Variants in COLEC11 observed in about 807,000 individuals in gnomAD.
The protein encoded by COLEC11 is collectin-11.
In COLEC11, 20 loss-of-function variants were observed where a neutral mutation model predicts 27.3. That is an observed-to-expected ratio of 0.73 (90% CI 0.51 to 1.06). The LOEUF (loss-of-function observed/expected upper bound fraction) is 1.06. Ranked by LOEUF, COLEC11 falls within the 50% of genes least tolerant of loss-of-function variation. The pLI, the probability that COLEC11 is intolerant of heterozygous loss-of-function variation, is 0.00. For synonymous variants in COLEC11, 163 were observed against 154.7 expected (o/e 1.05, Z -0.40); for missense variants, 310 against 383.0 (o/e 0.81, Z 1.59).
At chr2:3,634,841 C>T (rs950775285) in intron 3 of COLEC11, among the ~76,000 whole-genome samples, 2 of 151,986 alleles carry the variant, frequency 1.3e-5, no homozygotes, top group Admixed American at 1.3e-4. Context: ...CCCTGCCCCT[C>T]CCTCTGTGAG....
intron 3 of COLEC11, among the ~76,000 whole-genome samples, chr2:3,615,796 C>T (rs1376203571): frequency 6.9e-6 from 1 of 144,104 alleles, no homozygotes; most frequent in Admixed American, 6.9e-5. Flanking sequence ...GGGCGGCTGG[C>T]CAGGCAGGGG....
In COLEC11 at chr2:3,626,636, A is replaced by G. The variant is rs115957571; in HGVS notation, c.203-10897A>G. On this transcript the variant is annotated intron_variant, in intron 3 of 6. Coordinates refer to ENST00000349077, the MANE Select transcript of COLEC11 (RefSeq NM_024027.5). ...ATGAGCATGACTTCCGGCCTCTGCA[A>G]TAACCAACTGACATTCTTTCTGATA... is the stretch of plus-strand genomic sequence containing the variant. Among the ~76,000 whole-genome samples, 741 of 152,368 alleles carry G rather than the reference A, an allele frequency of 4.9e-3. 6 individuals are homozygous for G. Among genetic ancestry groups the G allele is most frequent in the African/African-American group, 0.017 (702 of 41,578 alleles).
At chr2:3,597,784 C>G (rs1661956726) in intron 1 of COLEC11, among the ~76,000 whole-genome samples, 1 of 152,076 alleles carries the variant, frequency 6.6e-6, no homozygotes, top group South Asian at 2.1e-4. Flanking sequence ...CTTTCAGAAG[C>G]CACATACCAC....
rs553656948 is a variant in COLEC11 at position 3,630,392 on chromosome 2, A to T, written c.203-7141A>T. Among the ~76,000 whole-genome samples, 323 of 152,352 alleles carry T rather than the reference A, an allele frequency of 2.1e-3. 1 individual carries two copies. Among genetic ancestry groups the T allele is most frequent in the African/African-American group, 7.4e-3 (307 of 41,582 alleles). Reference sequence around the variant, plus strand: ...AACTTTATTTCTCAATATAAGCACCATGAAGTTCAAGACACTTTTGTAAGT... The same window carrying T: ...AACTTTATTTCTCAATATAAGCACCTTGAAGTTCAAGACACTTTTGTAAGT... On this transcript the variant is annotated intron_variant, in intron 3 of 6. Transcript: ENST00000349077.
intron 1 of COLEC11, among the ~76,000 whole-genome samples, chr2:3,603,022 G>A (rs538789984): frequency 5.3e-5 from 8 of 152,296 alleles, no homozygotes; most frequent in South Asian, 4.1e-4. Context: ...ACATTTGGTC[G>A]GCATCCACAA....
At chr2:3,603,693 C>G in intron 1 of COLEC11, 2 of 1,550,198 alleles carry the variant, frequency 1.3e-6, no homozygotes, top group Non-Finnish European at 1.7e-6. Context: ...CTGGGATGGT[C>G]AGATGTCCAT....
chr2:3,607,449 CTTTT>C (rs377560723), intron 2 of COLEC11, among the ~76,000 whole-genome samples: 2 of 109,170 alleles, frequency 1.8e-5, no homozygotes, highest in Admixed American at 1.2e-4. Flanking sequence ...TTTTTTTTTG[CTTTT>C]TTTTTTTTTT....
chr2:3,597,732 G>A (rs1205041925), intron 1 of COLEC11, among the ~76,000 whole-genome samples: 1 of 151,506 alleles, frequency 6.6e-6, no homozygotes, highest in South Asian at 2.1e-4. Flanking sequence ...AGTGAGGTTC[G>A]ACTTGCGTAC....
At chr2:3,601,533 A>G (rs1439073349) in intron 1 of COLEC11, among the ~76,000 whole-genome samples, 2 of 152,114 alleles carry the variant, frequency 1.3e-5, no homozygotes, top group East Asian at 1.9e-4. Flanking sequence ...GACTCAAGCA[A>G]TCTGCTGGCC....
intron 3 of COLEC11, among the ~76,000 whole-genome samples, chr2:3,618,686 AT>A (rs959892598): frequency 1.3e-5 from 2 of 152,300 alleles, no homozygotes; most frequent in African/African-American, 4.8e-5. Flanking sequence ...TTTTACATGA[AT>A]TTTAGGATTT....
At chr2:3,625,997 G>C in intron 3 of COLEC11, 1 of 1,605,986 alleles carries the variant, frequency 6.2e-7, no homozygotes, top group South Asian at 1.1e-5. Context: ...TCATAACATT[G>C]TATTTACTTT....
chr2:3,598,979 C>T (rs566601033), intron 1 of COLEC11, among the ~76,000 whole-genome samples: 81 of 152,266 alleles, frequency 5.3e-4, no homozygotes, highest in Non-Finnish European at 1.0e-3. Context: ...TTTTAAAAAT[C>T]CCTTACATCG....
At chr2:3,632,422 C>T (rs541179239) in intron 3 of COLEC11, among the ~76,000 whole-genome samples, 2 of 152,306 alleles carry the variant, frequency 1.3e-5, no homozygotes, top group South Asian at 2.1e-4. Context: ...ATCCGGGTGC[C>T]GGCAGGGCTG....
intron 1 of COLEC11, chr2:3,603,464 C>G (rs1662390634): frequency 3.3e-6 from 2 of 599,486 alleles, no homozygotes; most frequent in East Asian, 6.2e-5. Context: ...TTAGAGGTGC[C>G]CGCCACCACA....
rs748106569 is a variant in COLEC11, at chr2:3,613,316, G to C, written c.136G>C (p.Ala46Pro). The change falls in exon 3 of 7, where the codon GCG becomes CCG. Residue 46 changes from alanine to proline, a missense_variant. Transcript: ENST00000349077. ...QILVPGLKGD[A>P]GEKGDKGAPG... ...GGATGTGACTTCTTCCACAGGGGAT[G>C]CGGGAGAGAAGGGAGACAAAGGCGC... is the stretch of plus-strand genomic sequence containing the variant. 2.5e-6 allele frequency: 4 copies of C among 1,609,968 alleles called. No homozygotes were observed. The highest frequency in any genetic ancestry group is 3.4e-6 in the Non-Finnish European group (4 of 1,178,378).
intron 3 of COLEC11, among the ~76,000 whole-genome samples, chr2:3,636,043 G>A (rs540323490): frequency 6.6e-6 from 1 of 152,236 alleles, no homozygotes; most frequent in African/African-American, 2.4e-5. Flanking sequence ...TGAATTGGGG[G>A]AACGTTACAT....
chr2:3,604,947 A>G (rs1051078177), intron 2 of COLEC11: 10 of 334,924 alleles, frequency 3.0e-5, no homozygotes, highest in African/African-American at 1.1e-4. Flanking sequence ...TGGTTAGGGG[A>G]AAAAAAAAAG....
In COLEC11 at chr2:3,602,070, G is replaced by T. The variant is rs1662271228; in HGVS notation, c.-26-2245G>T. On this transcript the variant is annotated intron_variant, in intron 1 of 6. Coordinates refer to ENST00000349077, the MANE Select transcript of COLEC11 (RefSeq NM_024027.5). The surrounding 1 kb of genome is among the most constrained non-coding windows in gnomAD (Gnocchi z 6.2). ...GCGGGGTCTCTGTAGACTCCATGGGGCCCTGGCTTTCGGGATCTGTCCGGA... is the reference window on the plus strand; with the variant it reads ...GCGGGGTCTCTGTAGACTCCATGGGTCCCTGGCTTTCGGGATCTGTCCGGA... 1 of 152,250 alleles carries T rather than the reference G, an allele frequency of 6.6e-6. No homozygotes were observed. 9.4% of individuals were successfully genotyped at this position (152,250 alleles called of 1,614,324 possible).
At chr2:3,614,315 C>A (rs914871383) in intron 3 of COLEC11, among the ~76,000 whole-genome samples, 2 of 152,156 alleles carry the variant, frequency 1.3e-5, no homozygotes, top group South Asian at 2.1e-4. Flanking sequence ...GCCAACCCCC[C>A]AACCAATCTT....
Sources: allele counts gnomAD v4.1 joint callset (sites outside exome capture counted in the v4.1 genomes callset), GRCh38; gene constraint gnomAD v4.1.1; non-coding constraint Gnocchi (gnomAD v3.1); transcripts MANE v1.5; gene names NCBI Gene and HGNC (gene_info 2026-07-23, HGNC 2026-07-21).